Variants in LY9 observed in about 807,000 individuals in gnomAD.
LY9 encodes T-lymphocyte surface antigen Ly-9.
LY9 carries 59 observed loss-of-function variants against 64.6 expected under a neutral mutation model. That is an observed-to-expected ratio of 0.91 (90% CI 0.74 to 1.13). The LOEUF is 1.13. LY9 is among the 50% of genes most tolerant of loss of function. The probability of loss-of-function intolerance (pLI) is 0.00; values close to 1 mark genes in which losing one functional copy is unlikely to be tolerated. For missense variants in LY9, 789 were observed against 797.2 expected, an observed-to-expected ratio of 0.99 and a Z score of 0.12; for synonymous variants, 281 against 308.5, an observed-to-expected ratio of 0.91 and a Z score of 0.93.
At chr1:160,797,525 A>G (rs997461604) in intron 1 of LY9, among the ~76,000 whole-genome samples, 1 of 152,220 alleles carries the variant, frequency 6.6e-6, no homozygotes, top group Admixed American at 6.5e-5. Context: ...GAAATAAGCT[A>G]CATTCAAGGT....
At chr1:160,805,898 T>C (rs1298091140) in intron 2 of LY9, among the ~76,000 whole-genome samples, 1 of 151,646 alleles carries the variant, frequency 6.6e-6, no homozygotes, top group Non-Finnish European at 1.5e-5. Context: ...CCCTTCATCA[T>C]TACATAATGG....
chr1:160,824,421 T>A, intron 9 of LY9, 172 bp downstream of exon 9: 5 of 985,392 alleles, frequency 5.1e-6, no homozygotes, highest in Non-Finnish European at 6.0e-6. Flanking sequence ...CAAATATTCC[T>A]GACATCTGTG....
intron 2 of LY9, chr1:160,801,907 G>C: frequency 1.9e-6 from 3 of 1,613,382 alleles, no homozygotes; most frequent in Middle Eastern, 1.7e-4. Context: ...GTGAGCGTGC[G>C]GGAGGGCTAG....
At chr1:160,824,746 A>G (rs567307174) in intron 9 of LY9, 39 of 651,934 alleles carry the variant, frequency 6.0e-5, no homozygotes, top group African/African-American at 5.0e-4. Flanking sequence ...TTGGGAGGCC[A>G]AGGCGGGTGG....
chr1:160,818,346 GC>G, intron 6 of LY9, 27 bp downstream of exon 6: 1 of 1,541,820 alleles, frequency 6.5e-7, no homozygotes, highest in Non-Finnish European at 9.0e-7. Flanking sequence ...AATGTTGTCC[GC>G]CAGTGCTAGG....
chr1:160,813,326 C>T (rs113030957), intron 2 of LY9: 59 of 379,682 alleles, frequency 1.6e-4, no homozygotes, highest in African/African-American at 1.1e-3. Flanking sequence ...TTTCATAAGG[C>T]AGGCTGGGTG....
intron 7 of LY9, among the ~76,000 whole-genome samples, chr1:160,821,325 T>G (rs1343225771): frequency 1.3e-5 from 2 of 152,198 alleles, no homozygotes; most frequent in Non-Finnish European, 2.9e-5. Context: ...TTCATACATA[T>G]TTGTGTGGGG....
Position 160,800,099 on chromosome 1 carries a change from T to C in LY9, c.454+17T>C. ...TCGTCTATGGTGAGTTCCAGAGAGC[T>C]TCTGTGTTTTGATCTTTTCTTTTTT... On this transcript the variant is annotated intron_variant, in intron 2 of 9. Coordinates refer to ENST00000263285, the MANE Select transcript of LY9 (RefSeq NM_002348.4). 1 of 1,575,174 alleles carries C rather than the reference T, an allele frequency of 6.3e-7. No individual in the cohort carries two copies. Among genetic ancestry groups the C allele is most frequent in the Non-Finnish European group, 8.6e-7 (1 of 1,158,364 alleles).
In LY9 at chr1:160,814,854, T is replaced by C; in HGVS notation, c.1072+93T>C. ...TCCACCTTCCGCTTCTCCAAGGGTC[T>C]TCCCTCATACTGAAATGCCTCAGAC... On this transcript the variant is annotated intron_variant, in intron 4 of 9. Transcript: ENST00000263285. 3.9e-6 allele frequency: 4 copies of C among 1,034,198 alleles called. No homozygotes were observed. In the South Asian group the frequency reaches 6.1e-5, roughly 16 times the overall value. The allele number at this position is 1,034,198 out of a possible 1,614,324, so 64.1% of individuals were successfully genotyped here.
At chr1:160,823,241 T>C (rs367830227) in intron 7 of LY9, among the ~76,000 whole-genome samples, 2 of 152,198 alleles carry the variant, frequency 1.3e-5, no homozygotes, top group African/African-American at 4.8e-5. Context: ...GTCTATCACA[T>C]GTCATATTTA....
At position 160,827,787 on chromosome 1, in the gene LY9, G is replaced by C; in HGVS notation, c.1939G>C (p.Glu647Gln). The change falls in exon 10 of 10, where the codon GAA (glutamate) becomes CAA (glutamine). Residue 647 changes from glutamate to glutamine, a missense_variant. Physicochemically the swap from Glu to Gln is conservative, Grantham distance 29 (BLOSUM62 2). Coordinates refer to ENST00000263285, the MANE Select transcript of LY9 (RefSeq NM_002348.4). The stretch of plus-strand genomic sequence containing the variant: ...ACAACAGAATGATCTTGAGATTCCT[G>C]AAAGTCCTACCTATGAAAATTTCAC... ...PPQQNDLEIP[E>Q]SPTYENFT 1 of 1,609,714 alleles carries C rather than the reference G, an allele frequency of 6.2e-7. No individual in the cohort carries two copies. The highest frequency in any genetic ancestry group is 8.5e-7 in the Non-Finnish European group (1 of 1,178,148).
chr1:160,816,030 G>A (rs557195258), intron 4 of LY9, among the ~76,000 whole-genome samples: 25 of 152,244 alleles, frequency 1.6e-4, no homozygotes, highest in African/African-American at 5.5e-4. Context: ...GAAGCAAGTC[G>A]GCCAAGTCCA....
chr1:160,799,784 A>G lies in LY9; in HGVS notation c.156A>G (p.Pro52=). ...GLRASGKDSA[P]TVVSGILGGS... ...GAGCCTCTGGAAAGGACTCAGCCCC[A>G]ACAGTGGTGTCAGGGATCCTAGGGG... Residue 52 remains proline, a synonymous_variant, in exon 2 of 10, where the codon CCA becomes CCG. Coordinates refer to ENST00000263285, the MANE Select transcript of LY9 (RefSeq NM_002348.4). The G allele has an allele frequency of 6.2e-7, 1 of 1,613,718 alleles. No homozygotes were observed. Among genetic ancestry groups the G allele is most frequent in the Non-Finnish European group, 8.5e-7 (1 of 1,179,704 alleles).
intron 9 of LY9, among the ~76,000 whole-genome samples, chr1:160,824,930 A>G (rs1668770025): frequency 6.7e-6 from 1 of 149,756 alleles, no homozygotes; most frequent in African/African-American, 2.5e-5. Context: ...CAGTGAGCCA[A>G]GTTCGTGCCA....
intron 2 of LY9, chr1:160,802,184 T>A: frequency 8.1e-7 from 1 of 1,235,918 alleles, no homozygotes; most frequent in Non-Finnish European, 1.0e-6. Context: ...TGTGTGCCAG[T>A]GGGGTTTGTG....
At position 160,813,895 on chromosome 1, in the gene LY9, T is replaced by C. The variant is rs778781144; in HGVS notation, c.714T>C (p.Val238=). Residue 238 remains valine, a synonymous_variant, in exon 3 of 10, where the codon GTT becomes GTC. Coordinates refer to ENST00000263285, the MANE Select transcript of LY9 (RefSeq NM_002348.4). ...VSQRSSLPVH[V]GQFCTDPGAS... ...AGAGAAGCTCCCTCCCTGTCCATGT[T>C]GGGCAGTTCTGTACAGGTAACTGGC... is the stretch of plus-strand genomic sequence containing the variant. 10 of 1,614,062 alleles carry C rather than the reference T, an allele frequency of 6.2e-6. No homozygotes were observed. In the South Asian group the frequency reaches 1.1e-4, roughly 18 times the overall value.
rs1053090386 is a variant in LY9, at chr1:160,796,246, C to T, written c.59C>T (p.Pro20Leu). 25 of 1,614,040 alleles carry T rather than the reference C, an allele frequency of 1.5e-5. No homozygotes were observed. The highest frequency in any genetic ancestry group is 2.1e-5 in the Non-Finnish European group (25 of 1,179,974). Residue 20 changes from proline to leucine, a missense_variant, in exon 1 of 10, where the codon CCA becomes CTA. Coordinates refer to ENST00000263285, the MANE Select transcript of LY9 (RefSeq NM_002348.4). ...GCTCCTGGGCCTTTCTCCAGTAAGC[C>T]ACAGAGGAGTCAGCTGCAAATATTC... ...DWAPGPFSSK[P>L]QRSQLQIFSS...
chr1:160,817,956 A>G (rs1668086054), intron 5 of LY9, among the ~76,000 whole-genome samples: 1 of 152,174 alleles, frequency 6.6e-6, no homozygotes, highest in Non-Finnish European at 1.5e-5. Flanking sequence ...CTCGAACCTC[A>G]GGTCAGACAC....
Position 160,816,852 on chromosome 1 carries a change from A to T in LY9, c.1331A>T (p.Asn444Ile). Residue 444 changes from asparagine (N) to isoleucine (I), a missense_variant, in exon 5 of 10, where the codon AAC (asparagine) becomes ATC (isoleucine). By Grantham distance (149) the Asn-to-Ile change is moderately radical (BLOSUM62 -3). Transcript: ENST00000263285. Reference sequence around the variant, plus strand: ...AGTTCCCACCAGTTTCTTTCTGAGAACATCTGTTCAGGTTTCTCTCCATCT... The same window carrying T: ...AGTTCCCACCAGTTTCTTTCTGAGATCATCTGTTCAGGTTTCTCTCCATCT... The part of the protein sequence containing the change: ...SRSSHQFLSE[N>I]ICSGPERNTK... The T allele has an allele frequency of 6.2e-7, 1 of 1,614,194 alleles. No homozygotes were observed. The highest frequency in any genetic ancestry group is 1.6e-4 in the Middle Eastern group (1 of 6,062).
Sources: gnomAD v4.1 joint callset for allele counts (sites outside exome capture counted in the v4.1 genomes callset) on GRCh38, gnomAD v4.1.1 for gene constraint, MANE v1.5 for transcripts, NCBI Gene and HGNC (gene_info 2026-07-23, HGNC 2026-07-21) for gene names.